B3GAT2: variants seen among roughly 807,000 people sequenced by gnomAD.
B3GAT2 encodes the protein galactosylgalactosylxylosylprotein 3-beta-glucuronosyltransferase 2.
In B3GAT2, 26 loss-of-function variants were observed where a neutral mutation model predicts 27.8. That is an observed-to-expected ratio of 0.93 (90% CI 0.68 to 1.30). B3GAT2 has a LOEUF of 1.30. Among genes scored for constraint, B3GAT2 ranks in the 50% most tolerant of loss-of-function variants. The pLI is 0.00. For synonymous variants in B3GAT2, 218 were observed against 195.1 expected (o/e 1.12, Z -0.98); for missense variants, 458 against 459.0 (o/e 1.00, Z 0.02).
In B3GAT2 at chr6:70,860,226, T is replaced by TATC; in HGVS notation, c.*1434_*1436dup. ...TGAATCAGCAGATGGCTGGCATGAG[T>TATC]ATCAGTAGTGCAACCCCTACTGCAG... On this transcript the variant is annotated 3_prime_UTR_variant, in exon 4 of 4. Transcript: ENST00000230053. 6.2e-7 allele frequency: 1 copy of TATC among 1,612,652 alleles called. No homozygotes were observed.
At chr6:70,915,919 G>C (rs1205456343) in intron 1 of B3GAT2, among the ~76,000 whole-genome samples, 1 of 152,066 alleles carries the variant, frequency 6.6e-6, no homozygotes, top group Admixed American at 6.6e-5. Context: ...CTTTAAAGTA[G>C]TTTTTTTCCA....
rs774333125 is a variant in B3GAT2 at position 70,858,083 on chromosome 6, G to A, written c.*3580C>T. 6 of 1,614,056 alleles carry A rather than the reference G, an allele frequency of 3.7e-6. No individual in the cohort carries two copies. Among genetic ancestry groups the A allele is most frequent in the Non-Finnish European group, 5.1e-6 (6 of 1,179,998 alleles). On this transcript the variant is annotated 3_prime_UTR_variant, in exon 4 of 4. Transcript: ENST00000230053. ...GATGGTGGGCATGCCCATGCCCAAT[G>A]GGTTTATGGGAAATGCACAAACTGG... is the stretch of plus-strand genomic sequence containing the variant.
chr6:70,919,306 A>G lies in B3GAT2; in HGVS notation c.592-25034T>C, dbSNP rs113162837. ...TATTCTAGTTAGCCATTCATCTAGC[A>G]TTTTTTCAAGGTTTTTAGCTTCCTC... is the stretch of plus-strand genomic sequence containing the variant. On this transcript the variant is annotated intron_variant, in intron 1 of 3. Coordinates refer to ENST00000230053, the MANE Select transcript of B3GAT2 (RefSeq NM_080742.3). Among the ~76,000 whole-genome samples the G allele has an allele frequency of 9.4e-3, 1,417 of 151,388 alleles. 11 individuals are homozygous for G. The highest frequency in any genetic ancestry group is 0.048 in the Middle Eastern group (14 of 294).
Position 70,856,826 on chromosome 6 carries a change from G to A in B3GAT2, c.*4837C>T. The A allele has an allele frequency of 1.3e-6, 2 of 1,565,646 alleles. No homozygotes were observed. Among genetic ancestry groups the A allele is most frequent in the Non-Finnish European group, 1.7e-6 (2 of 1,156,212 alleles). On this transcript the variant is annotated 3_prime_UTR_variant, in exon 4 of 4. Transcript: ENST00000230053. Reference sequence around the variant, plus strand: ...TGGATAAGCTGCGCTTTACTATGCAGAATTTGATAGCTTATTTTGGTGTTT... The same window carrying A: ...TGGATAAGCTGCGCTTTACTATGCAAAATTTGATAGCTTATTTTGGTGTTT...
At position 70,946,478 on chromosome 6, in the gene B3GAT2, CAAAG is replaced by C. The variant is rs530823442; in HGVS notation, c.591+9357_591+9360del. Among the ~76,000 whole-genome samples the C allele has an allele frequency of 2.7e-3, 407 of 151,996 alleles. 1 individual carries two copies. The highest frequency in any genetic ancestry group is 3.0e-3 in the Non-Finnish European group (202 of 67,950). On this transcript the variant is annotated intron_variant, in intron 1 of 3. Transcript: ENST00000230053. ...TTAAACCAACAAAGATCAAAAGAGACAAAGAAGGCCGTTACATAACGGTAAAGGG... is the reference window on the plus strand; with the variant it reads ...TTAAACCAACAAAGATCAAAAGAGACAAGGCCGTTACATAACGGTAAAGGG...
chr6:70,953,284 T>C (rs951229333), intron 1 of B3GAT2, among the ~76,000 whole-genome samples: 9 of 152,228 alleles, frequency 5.9e-5, no homozygotes, highest in Non-Finnish European at 8.8e-5. Flanking sequence ...ATGTCTAAAC[T>C]ATAATTTACA....
At chr6:70,922,968 C>T (rs1250333781) in intron 1 of B3GAT2, among the ~76,000 whole-genome samples, 3 of 152,126 alleles carry the variant, frequency 2.0e-5, no homozygotes, top group African/African-American at 7.2e-5. Context: ...TGACCATTTC[C>T]ACACATATAA....
At chr6:70,954,918 G>GGGGC (rs1554218602) in intron 1 of B3GAT2, among the ~76,000 whole-genome samples, 1 of 151,550 alleles carries the variant, frequency 6.6e-6, no homozygotes, top group Non-Finnish European at 1.5e-5. Context: ...GGGGCGGCGG[G>GGGGC]GGGGGGCGGT....
chr6:70,884,020 G>A (rs1250528949), intron 2 of B3GAT2, among the ~76,000 whole-genome samples: 1 of 146,908 alleles, frequency 6.8e-6, no homozygotes, highest in African/African-American at 2.5e-5. Context: ...CCACAGGAAG[G>A]AAATAGGAGT....
rs1291393215 is a variant in B3GAT2 at position 70,937,574 on chromosome 6, C to T, written c.591+18265G>A. Among the ~76,000 whole-genome samples, 8 of 152,152 alleles carry T rather than the reference C, an allele frequency of 5.3e-5. No homozygotes were observed. The South Asian group carries it at 1.0e-3, about 20-fold the overall frequency. On this transcript the variant is annotated intron_variant, in intron 1 of 3. Transcript: ENST00000230053. ...TCACCATGATCAAGTGGGCTTCATC[C>T]CTGGGATGCAAGGCTGGTTCAATAT...
intron 1 of B3GAT2, among the ~76,000 whole-genome samples, chr6:70,916,460 C>G (rs1292613078): frequency 6.6e-6 from 1 of 152,166 alleles, no homozygotes; most frequent in Non-Finnish European, 1.5e-5. Flanking sequence ...TGAGAGAGAG[C>G]ATCCTTGTCT....
intron 2 of B3GAT2, among the ~76,000 whole-genome samples, chr6:70,880,365 A>G (rs552617476): frequency 1.3e-5 from 2 of 152,278 alleles, no homozygotes; most frequent in South Asian, 4.1e-4. Context: ...ATAATTTACA[A>G]ATGAAGAAAT....
At chr6:70,938,724 C>T (rs1361865535) in intron 1 of B3GAT2, among the ~76,000 whole-genome samples, 3 of 151,982 alleles carry the variant, frequency 2.0e-5, no homozygotes, top group African/African-American at 7.3e-5. Context: ...AAACTGGATC[C>T]CTTCCTTACA....
chr6:70,917,115 G>A lies in B3GAT2; in HGVS notation c.592-22843C>T, dbSNP rs531023924. The stretch of plus-strand genomic sequence containing the variant: ...TATTTAGAGATTCAACTTCTTCCTG[G>A]TTTAGTCTTGGGAGGGTGTATGTGT... On this transcript the variant is annotated intron_variant, in intron 1 of 3. Coordinates refer to ENST00000230053, the MANE Select transcript of B3GAT2 (RefSeq NM_080742.3). Among the ~76,000 whole-genome samples, 7 of 152,196 alleles carry A rather than the reference G, an allele frequency of 4.6e-5. No homozygotes were observed. In the East Asian group the frequency reaches 1.3e-3, roughly 29 times the overall value.
At chr6:70,909,834 A>AC (rs1772661571) in intron 1 of B3GAT2, among the ~76,000 whole-genome samples, 1 of 152,098 alleles carries the variant, frequency 6.6e-6, no homozygotes, top group Non-Finnish European at 1.5e-5. Context: ...GACTTTAAGC[A>AC]CCATGGGCCT....
rs1400618991 is a variant in B3GAT2, at chr6:70,956,840, G to C, written c.-411C>G. On this transcript the variant is annotated 5_prime_UTR_variant, in exon 1 of 4. Coordinates refer to ENST00000230053, the MANE Select transcript of B3GAT2 (RefSeq NM_080742.3). ...GCCGCTCCAGTCCGGCGGTGCTGCG[G>C]GCACAAGGGCTCCAGCCGCGGGCCC... The C allele has an allele frequency of 9.5e-7, 1 of 1,057,344 alleles. No individual in the cohort carries two copies. Among genetic ancestry groups the C allele is most frequent in the Non-Finnish European group, 1.1e-6 (1 of 875,730 alleles). The allele number at this position is 1,057,344 out of a possible 1,614,324, so 65.5% of individuals were successfully genotyped here.
intron 1 of B3GAT2, among the ~76,000 whole-genome samples, chr6:70,910,692 A>G (rs990021551): frequency 1.3e-4 from 20 of 152,312 alleles, no homozygotes; most frequent in Admixed American, 5.2e-4. Context: ...CATATACCCA[A>G]TAAGTGGATG....
chr6:70,880,758 C>T (rs529875031), intron 2 of B3GAT2, among the ~76,000 whole-genome samples: 166 of 152,066 alleles, frequency 1.1e-3, no homozygotes, highest in African/African-American at 3.6e-3. Context: ...CTCTGCCTCC[C>T]GGGTTCAAAC....
In B3GAT2 at chr6:70,858,536, G is replaced by A. The variant is rs980663880; in HGVS notation, c.*3127C>T. On this transcript the variant is annotated 3_prime_UTR_variant, in exon 4 of 4. Transcript: ENST00000230053. ...GGCCAGAAATTATCTCAGGCATCATGAGACTCCCTCTCTGTCACCTCTGAG... is the reference window on the plus strand; with the variant it reads ...GGCCAGAAATTATCTCAGGCATCATAAGACTCCCTCTCTGTCACCTCTGAG... The A allele has an allele frequency of 1.9e-5, 4 of 214,046 alleles. No homozygotes were observed. Among genetic ancestry groups the A allele is most frequent in the Non-Finnish European group, 3.7e-5 (4 of 108,332 alleles). 13.3% of individuals were successfully genotyped at this position (214,046 alleles called of 1,614,324 possible).
Sources: allele counts gnomAD v4.1 joint callset (sites outside exome capture counted in the v4.1 genomes callset), GRCh38; gene constraint gnomAD v4.1.1; transcripts MANE v1.5; gene names NCBI Gene and HGNC (gene_info 2026-07-23, HGNC 2026-07-21).